The following LARP4B variants were observed in gnomAD, a reference collection of about 807,000 sequenced individuals.
LARP4B encodes the protein La ribonucleoprotein 4B.
A neutral mutation model predicts 89.8 loss-of-function variants in LARP4B; 12 were observed. The observed-to-expected ratio is 0.13, with a 90% confidence interval of 0.09 to 0.22. The LOEUF is 0.22. Ranked by LOEUF, LARP4B falls within the 10% of genes least tolerant of loss-of-function variation. The pLI is 1.00. For synonymous variants in LARP4B, 367 were observed against 363.3 expected (o/e 1.01, Z -0.12); for missense variants, 757 against 947.7 (o/e 0.80, Z 2.64).
chr10:819,534 A>G (rs764956444), intron 14 of LARP4B: 2 of 152,286 alleles, frequency 1.3e-5, no homozygotes, highest in African/African-American at 2.4e-5. Context: ...TCTGTAATCA[A>G]TACAACACTG....
In LARP4B at chr10:863,804, G is replaced by A. The variant is rs145197319; in HGVS notation, c.369C>T (p.Asp123=). 6.2e-7 allele frequency: 1 copy of A among 1,614,158 alleles called. No homozygotes were observed. The highest frequency in any genetic ancestry group is 1.1e-5 in the South Asian group (1 of 91,072). The change falls in exon 5 of 18, where the codon GAC becomes GAT. Residue 123 remains aspartate, a synonymous_variant. Transcript: ENST00000316157. The part of the protein sequence containing the change: ...LPDPQESDPA[D]MNALALGPSE... ...AGGGACCCAGAGCGAGAGCGTTCAT[G>A]TCTGCTGGGTCCGACTCCTGCGGGT...
In LARP4B at chr10:877,729, G is replaced by C. The variant is rs1342237406; in HGVS notation, c.141+6718C>G. Among the ~76,000 whole-genome samples the C allele has an allele frequency of 2.6e-5, 4 of 152,186 alleles. No homozygotes were observed. In the East Asian group the frequency reaches 7.7e-4, roughly 29 times the overall value. On this transcript the variant is annotated intron_variant, in intron 3 of 17. Transcript: ENST00000316157. The stretch of plus-strand genomic sequence containing the variant: ...TGCACAGTAAGAGCCATGAGAGTCT[G>C]CAGTGATTACCACCATATGTGATAT...
chr10:873,345 G>A (rs543860061), intron 3 of LARP4B: 15 of 985,364 alleles, frequency 1.5e-5, no homozygotes, highest in East Asian at 1.1e-4. Flanking sequence ...AGCATACTCC[G>A]TGTGCCCAAT....
the LARP4B span, among the ~76,000 whole-genome samples, chr10:984,394 C>A: frequency 3.4e-4 from 52 of 152,168 alleles, 1 homozygote; most frequent in Admixed American, 2.0e-3. Context: ...GAAAAGAGAT[C>A]GCAAGATTTC....
chr10:831,061 C>T (rs555660558), intron 8 of LARP4B, 84 bp from the exon 9 acceptor site: 2 of 599,246 alleles, frequency 3.3e-6, no homozygotes, highest in East Asian at 2.9e-5. Context: ...CAAATGCATT[C>T]TCTTAAGGAA....
intron 1 of LARP4B, among the ~76,000 whole-genome samples, chr10:926,892 C>T (rs1280599114): frequency 6.6e-6 from 1 of 152,190 alleles, no homozygotes; most frequent in East Asian, 1.9e-4. Flanking sequence ...AAAAATTAGC[C>T]GGGCGTGGTG....
At chr10:888,314 T>A (rs751359361) in intron 1 of LARP4B, among the ~76,000 whole-genome samples, 1 of 148,840 alleles carries the variant, frequency 6.7e-6, no homozygotes, top group Non-Finnish European at 1.5e-5. Flanking sequence ...AGAGCAAGAC[T>A]GTCTCAAAAA....
chr10:917,685 C>T (rs938293308), intron 1 of LARP4B, among the ~76,000 whole-genome samples: 1 of 152,230 alleles, frequency 6.6e-6, no homozygotes, highest in African/African-American at 2.4e-5. Flanking sequence ...GAGGAATTCA[C>T]CCAATTCATG....
At chr10:850,336 G>T (rs1833977284) in intron 5 of LARP4B, among the ~76,000 whole-genome samples, 1 of 152,072 alleles carries the variant, frequency 6.6e-6, no homozygotes, top group African/African-American at 2.4e-5. Flanking sequence ...AAGGATATAA[G>T]ATATACCATA....
chr10:974,245 G>A, the LARP4B span, among the ~76,000 whole-genome samples: 5 of 151,858 alleles, frequency 3.3e-5, no homozygotes, highest in South Asian at 1.0e-3. Flanking sequence ...GACTCAGCAG[G>A]TGCTTTGTCT....
chr10:944,694 C>T, the LARP4B span, among the ~76,000 whole-genome samples: 1 of 152,232 alleles, frequency 6.6e-6, no homozygotes, highest in Admixed American at 6.5e-5. Flanking sequence ...TTGGTGTCTG[C>T]CCGTGACTCA....
At chr10:955,764 T>C in the LARP4B span, among the ~76,000 whole-genome samples, 7 of 152,120 alleles carry the variant, frequency 4.6e-5, no homozygotes, top group African/African-American at 1.7e-4. This position sits in a 1 kb window ranked among gnomAD's most constrained non-coding sequence, Gnocchi z 5.2. Flanking sequence ...GACTGCCCTA[T>C]TCACTGGAAT....
At chr10:907,163 G>A (rs1836516340) in intron 1 of LARP4B, among the ~76,000 whole-genome samples, 1 of 152,132 alleles carries the variant, frequency 6.6e-6, no homozygotes, top group African/African-American at 2.4e-5. Context: ...TTATCACTCG[G>A]AGGTCAGAAA....
At chr10:855,588 C>T (rs1016126377) in intron 5 of LARP4B, among the ~76,000 whole-genome samples, 1 of 151,860 alleles carries the variant, frequency 6.6e-6, no homozygotes, top group Non-Finnish European at 1.5e-5. Flanking sequence ...CCTGGCACCC[C>T]AAAACAATGG....
the LARP4B span, chr10:971,574 G>A: frequency 6.6e-6 from 1 of 152,052 alleles, no homozygotes; most frequent in Non-Finnish European, 1.5e-5. Flanking sequence ...ATCTGTTTTC[G>A]GCCACGGCAG....
At chr10:838,036 T>C (rs1037139410) in intron 7 of LARP4B, among the ~76,000 whole-genome samples, 1 of 152,098 alleles carries the variant, frequency 6.6e-6, no homozygotes, top group African/African-American at 2.4e-5. Context: ...AATGTGACCG[T>C]GGAGCAAAGG....
At chr10:981,864 C>G in the LARP4B span, among the ~76,000 whole-genome samples, 1 of 152,112 alleles carries the variant, frequency 6.6e-6, no homozygotes, top group Admixed American at 6.5e-5. Flanking sequence ...CCGCACCCAG[C>G]CATGTACTGT....
intron 1 of LARP4B, among the ~76,000 whole-genome samples, chr10:920,047 A>C (rs909978010): frequency 6.6e-6 from 1 of 152,246 alleles, no homozygotes; most frequent in Admixed American, 6.5e-5. Flanking sequence ...AACTGCTTTA[A>C]AAATCTACCT....
At chr10:966,053 G>GTTT in the LARP4B span, among the ~76,000 whole-genome samples, 11 of 97,520 alleles carry the variant, frequency 1.1e-4, no homozygotes, top group Non-Finnish European at 1.8e-4. Flanking sequence ...GTATGTGTGG[G>GTTT]TTTTGTGTGT....
Sources: allele counts gnomAD v4.1 joint callset (sites outside exome capture counted in the v4.1 genomes callset), GRCh38; gene constraint gnomAD v4.1.1; non-coding constraint Gnocchi (gnomAD v3.1); transcripts MANE v1.5; gene names NCBI Gene and HGNC (gene_info 2026-07-23, HGNC 2026-07-21).